The following TRHDE variants were observed in gnomAD, a reference collection of about 807,000 sequenced individuals.
The protein encoded by TRHDE is thyrotropin releasing hormone degrading enzyme.
A neutral mutation model predicts 125.7 loss-of-function variants in TRHDE; 72 were observed. The ratio of observed to expected loss-of-function variants is 0.57; its 90% CI spans 0.47 to 0.70. The LOEUF (loss-of-function observed/expected upper bound fraction) is 0.70, where lower values mean the gene tolerates loss of function less well. TRHDE is among the 30% of genes least tolerant of loss of function. The pLI, the probability that TRHDE is intolerant of heterozygous loss-of-function variation, is 0.00. For missense variants in TRHDE, 1,110 were observed against 1,327.1 expected (o/e 0.84, Z 2.54); for synonymous variants, 509 against 509.1 (o/e 1.00, Z 0.00).
chr12:72,135,244 A>G (rs1312466840), intron 2 of TRHDE, among the ~76,000 whole-genome samples: 9 of 152,152 alleles, frequency 5.9e-5, no homozygotes, highest in East Asian at 1.9e-4. Context: ...AGCTTTGTCA[A>G]TTCTCTTCTG....
intron 2 of TRHDE, among the ~76,000 whole-genome samples, chr12:72,344,434 C>G (rs1189496553): frequency 2.0e-5 from 3 of 151,990 alleles, no homozygotes; most frequent in Non-Finnish European, 4.4e-5. Flanking sequence ...GAAGTTAAAG[C>G]CTGAGGGCCT....
chr12:72,096,972 C>G (rs1874938349), intron 1 of TRHDE, among the ~76,000 whole-genome samples: 2 of 152,190 alleles, frequency 1.3e-5, no homozygotes, highest in Admixed American at 1.3e-4. Context: ...ACTCCTGGGC[C>G]TAACCCTTAT....
At chr12:72,467,439 T>C (rs532512112) in intron 3 of TRHDE, among the ~76,000 whole-genome samples, 2 of 152,346 alleles carry the variant, frequency 1.3e-5, no homozygotes, top group African/African-American at 4.8e-5. Context: ...TTTCGTGTTA[T>C]AGCTGTTATG....
At chr12:72,604,581 T>A (rs1246210721) in intron 12 of TRHDE, among the ~76,000 whole-genome samples, 1 of 152,060 alleles carries the variant, frequency 6.6e-6, no homozygotes, top group East Asian at 1.9e-4. Context: ...ATTCTTTCAA[T>A]ATTGTTGAAC....
intron 2 of TRHDE, among the ~76,000 whole-genome samples, chr12:72,207,345 C>A (rs1322337302): frequency 1.3e-5 from 2 of 152,134 alleles, no homozygotes; most frequent in Non-Finnish European, 2.9e-5. Context: ...AAAGAAAGCA[C>A]AAGCTCAGTG....
intron 2 of TRHDE, among the ~76,000 whole-genome samples, chr12:72,368,440 A>T (rs934021242): frequency 6.6e-6 from 1 of 152,144 alleles, no homozygotes; most frequent in Non-Finnish European, 1.5e-5. Flanking sequence ...CTTTGTATGT[A>T]ATAATTTGAG....
chr12:72,653,224 T>G, intron 17 of TRHDE, 68 bp downstream of exon 17: 1 of 1,376,932 alleles, frequency 7.3e-7, no homozygotes, highest in Non-Finnish European at 9.9e-7. Flanking sequence ...AGGCCCAAGT[T>G]TTGTGTTAAA....
chr12:72,550,305 T>C (rs1869616369), intron 7 of TRHDE, among the ~76,000 whole-genome samples: 1 of 152,034 alleles, frequency 6.6e-6, no homozygotes, highest in Non-Finnish European at 1.5e-5. Flanking sequence ...TCTGACTCTT[T>C]GTACACATTG....
chr12:72,111,857 A>G (rs572193803), intron 2 of TRHDE, among the ~76,000 whole-genome samples: 12 of 152,196 alleles, frequency 7.9e-5, no homozygotes, highest in African/African-American at 2.6e-4. Context: ...CTCTCTCTAC[A>G]TGTGTGAATA....
At chr12:72,109,700 C>T (rs1289139688) in intron 2 of TRHDE, among the ~76,000 whole-genome samples, 1 of 152,056 alleles carries the variant, frequency 6.6e-6, no homozygotes, top group Non-Finnish European at 1.5e-5. Context: ...ATATTTTCCC[C>T]CAAAATCACT....
intron 1 of TRHDE, among the ~76,000 whole-genome samples, chr12:72,284,979 A>G (rs916729585): frequency 1.3e-5 from 2 of 152,234 alleles, no homozygotes; most frequent in East Asian, 3.8e-4. Flanking sequence ...CGTGGTGTGT[A>G]GCAGCCTGTT....
At chr12:72,646,068 C>A (rs1874267859) in intron 15 of TRHDE, among the ~76,000 whole-genome samples, 1 of 151,954 alleles carries the variant, frequency 6.6e-6, no homozygotes, top group African/African-American at 2.4e-5. Context: ...TATATAAATA[C>A]AAATACTTTA....
intron 2 of TRHDE, among the ~76,000 whole-genome samples, chr12:72,351,304 C>T (rs529510711): frequency 6.1e-4 from 93 of 151,946 alleles, no homozygotes; most frequent in African/African-American, 8.2e-4. Context: ...CGCCATGTTA[C>T]GAAAGTTTAT....
intron 3 of TRHDE, among the ~76,000 whole-genome samples, chr12:72,441,716 G>A (rs1248839094): frequency 1.3e-5 from 2 of 151,746 alleles, no homozygotes. Flanking sequence ...TCCAGTTGAC[G>A]TTGTTGGCCA....
chr12:72,346,804 A>T (rs948365364), intron 2 of TRHDE, among the ~76,000 whole-genome samples: 1 of 152,090 alleles, frequency 6.6e-6, no homozygotes, highest in South Asian at 2.1e-4. Context: ...AAAATACCAC[A>T]AACTGAGTGT....
intron 6 of TRHDE, among the ~76,000 whole-genome samples, chr12:72,529,126 CT>C (rs1275105450): frequency 3.3e-5 from 5 of 151,964 alleles, no homozygotes; most frequent in Non-Finnish European, 7.4e-5. Context: ...TTAGAAGGCT[CT>C]GGAGATAGAT....
intron 10 of TRHDE, among the ~76,000 whole-genome samples, chr12:72,572,560 T>A (rs948253754): frequency 3.9e-5 from 6 of 152,060 alleles, no homozygotes; most frequent in South Asian, 2.1e-4. Context: ...AAAAGATAGT[T>A]AAAAATCTAT....
At chr12:72,466,265 A>G (rs1182253510) in intron 3 of TRHDE, among the ~76,000 whole-genome samples, 2 of 152,184 alleles carry the variant, frequency 1.3e-5, no homozygotes, top group South Asian at 2.1e-4. Flanking sequence ...GTTCATATGT[A>G]TAGAGTCTTC....
intron 12 of TRHDE, among the ~76,000 whole-genome samples, chr12:72,600,411 T>C (rs182382279): frequency 9.2e-5 from 14 of 152,234 alleles, no homozygotes; most frequent in African/African-American, 3.4e-4. Context: ...TCCATTTGTT[T>C]GTATCATCTA....
Sources: gnomAD v4.1 joint callset for allele counts (sites outside exome capture counted in the v4.1 genomes callset) on GRCh38, gnomAD v4.1.1 for gene constraint, MANE v1.5 for transcripts, NCBI Gene and HGNC (gene_info 2026-07-23, HGNC 2026-07-21) for gene names.